ZBTB7A: variants seen among roughly 807,000 people sequenced by gnomAD.
ZBTB7A encodes the protein zinc finger and BTB domain containing 7A.
In ZBTB7A, 7 loss-of-function variants were observed where a neutral mutation model predicts 26.7. That is an observed-to-expected ratio of 0.26 (90% CI 0.15 to 0.49). The LOEUF (loss-of-function observed/expected upper bound fraction) is 0.49. Ranked by LOEUF, ZBTB7A falls within the 20% of genes least tolerant of loss-of-function variation. The probability of loss-of-function intolerance (pLI) is 0.98; values close to 1 mark genes in which losing one functional copy is unlikely to be tolerated. For missense variants in ZBTB7A, 617 were observed against 919.5 expected (o/e 0.67, Z 4.25); for synonymous variants, 452 against 441.0 (o/e 1.02, Z -0.31).
Position 4,043,571 on chromosome 19 carries a change from C to T in ZBTB7A, c.*4181G>A, listed in dbSNP as rs552248923. Among the ~76,000 whole-genome samples the T allele has an allele frequency of 1.3e-3, 194 of 151,792 alleles. No individual in the cohort carries two copies. The highest frequency in any genetic ancestry group is 4.5e-3 in the African/African-American group (185 of 41,390). ...GCCGCCCCGCCCCCCATTCACCAGG[C>T]CTGGCCCCTCCAAAGTCCAAGGCAC... On this transcript the variant is annotated 3_prime_UTR_variant, in exon 3 of 3. Transcript: ENST00000322357.
At chr19:4,056,894 G>A (rs2040585230) in intron 1 of ZBTB7A, among the ~76,000 whole-genome samples, 1 of 151,878 alleles carries the variant, frequency 6.6e-6, no homozygotes, top group Non-Finnish European at 1.5e-5. Flanking sequence ...AGGCGTGGTG[G>A]CGCGTGCCTG....
Position 4,047,806 on chromosome 19 carries a change from G to A in ZBTB7A, c.1701C>T (p.Ser567=), listed in dbSNP as rs1468764236. 1.6e-5 allele frequency: 26 copies of A among 1,586,718 alleles called. No individual in the cohort carries two copies. The highest frequency in any genetic ancestry group is 3.3e-5 in the South Asian group (3 of 89,776). ...NVAGAGGGGD[S]GGGPGAATDG... ...CGGTGGCGGCCCCGGGGCCACCTCC[G>A]CTGTCACCTCCTCCACCGGCGCCCG... is the stretch of plus-strand genomic sequence containing the variant. Residue 567 remains serine, a synonymous_variant, in exon 3 of 3, where the codon AGC becomes AGT. Transcript: ENST00000322357.
intron 1 of ZBTB7A, among the ~76,000 whole-genome samples, chr19:4,060,116 G>C (rs772790036): frequency 5.3e-5 from 8 of 151,026 alleles, no homozygotes; most frequent in African/African-American, 7.4e-5. Flanking sequence ...GGGCTGCTTG[G>C]TGCTGACTCG....
rs868621063 is a variant in ZBTB7A at position 4,048,414 on chromosome 19, G to A, written c.1263-170C>T. Reference sequence around the variant, plus strand: ...GGGACGGTCCCTCGAAAAACGAGACGAGTGGGGGCGATTTCGCATTCTGAA... The same window carrying A: ...GGGACGGTCCCTCGAAAAACGAGACAAGTGGGGGCGATTTCGCATTCTGAA... On this transcript the variant is annotated intron_variant, in intron 2 of 2. Transcript: ENST00000322357. This position sits in a 1 kb window ranked among gnomAD's most constrained non-coding sequence, Gnocchi z 6.7. Among the ~76,000 whole-genome samples, 1 of 152,232 alleles carries A rather than the reference G, an allele frequency of 6.6e-6. No homozygotes were observed. The highest frequency in any genetic ancestry group is 2.4e-5 in the African/African-American group (1 of 41,464).
intron 1 of ZBTB7A, among the ~76,000 whole-genome samples, chr19:4,058,009 CA>C (rs2040599571): frequency 6.6e-6 from 1 of 152,156 alleles, no homozygotes; most frequent in Non-Finnish European, 1.5e-5. Flanking sequence ...TGGTTCTTTT[CA>C]GGGGGGCTCT....
chr19:4,051,888 T>C (rs1599252159), intron 2 of ZBTB7A, among the ~76,000 whole-genome samples: 1 of 151,524 alleles, frequency 6.6e-6, no homozygotes, highest in Admixed American at 6.6e-5. Context: ...ATCCCTAGTT[T>C]CATCACCCCG....
chr19:4,062,031 C>T (rs1342374396), intron 1 of ZBTB7A: 2 of 152,310 alleles, frequency 1.3e-5, no homozygotes, highest in African/African-American at 4.8e-5. Flanking sequence ...TCTCCCTCCC[C>T]TGAGGGAGGC....
At chr19:4,053,544 ATGTG>A (rs2040528990) in intron 2 of ZBTB7A, among the ~76,000 whole-genome samples, 1 of 128,232 alleles carries the variant, frequency 7.8e-6, no homozygotes, top group Non-Finnish European at 1.6e-5. Flanking sequence ...TGTGTATGTG[ATGTG>A]TATGTGGTGT....
At chr19:4,049,166 G>GTATATATA (rs1186333792) in intron 2 of ZBTB7A, among the ~76,000 whole-genome samples, 46 of 13,464 alleles carry the variant, frequency 3.4e-3, no homozygotes, top group Admixed American at 7.8e-3. Flanking sequence ...GTGTGTGTGT[G>GTATATATA]TGTATATATA....
In ZBTB7A at chr19:4,052,631, AGG is replaced by A. The variant is rs1193443234; in HGVS notation, c.1262+1338_1262+1339del. 1.7e-4 allele frequency among the ~76,000 whole-genome samples: 25 copies of A among 149,076 alleles called. No homozygotes were observed. The South Asian group carries it at 5.5e-3, about 33-fold the overall frequency. ...GGGAACCCCAGGGCGGGCGGGGGGCAGGGGGTGGTGCTGAGTCACCCAGCCTG... is the reference window on the plus strand; with the variant it reads ...GGGAACCCCAGGGCGGGCGGGGGGCAGGGTGGTGCTGAGTCACCCAGCCTG... On this transcript the variant is annotated intron_variant, in intron 2 of 2. Transcript: ENST00000322357. This position sits in a 1 kb window ranked among gnomAD's most constrained non-coding sequence, Gnocchi z 4.9.
Position 4,045,665 on chromosome 19 carries a change from CAAG to C in ZBTB7A, c.*2084_*2086del, listed in dbSNP as rs1466818827. ...CACCCCCCCGCCGGTTGGGCATTGA[CAAG>C]AAGTCTCAGTGCAGCAGAGCGTCTA... On this transcript the variant is annotated 3_prime_UTR_variant, in exon 3 of 3. Coordinates refer to ENST00000322357, the MANE Select transcript of ZBTB7A (RefSeq NM_015898.4). The surrounding 1 kb of genome is among the most constrained non-coding windows in gnomAD (Gnocchi z 4.1). The C allele has an allele frequency of 1.1e-5, 4 of 379,050 alleles. No homozygotes were observed. Among genetic ancestry groups the C allele is most frequent in the African/African-American group, 4.2e-5 (2 of 48,098 alleles). 23.5% of individuals were successfully genotyped at this position (379,050 alleles called of 1,614,324 possible).
rs2144975544 is a variant in ZBTB7A at position 4,048,839 on chromosome 19, A to T, written c.1263-595T>A. ...AAAAAAATTTCACTTTTTAAGAGCG[A>T]AACTCCGTCTCAAAAAACAAATCTG... On this transcript the variant is annotated intron_variant, in intron 2 of 2. Coordinates refer to ENST00000322357, the MANE Select transcript of ZBTB7A (RefSeq NM_015898.4). This position sits in a 1 kb window ranked among gnomAD's most constrained non-coding sequence, Gnocchi z 6.7. 6.6e-6 allele frequency among the ~76,000 whole-genome samples: 1 copy of T among 151,622 alleles called. No individual in the cohort carries two copies. The highest frequency in any genetic ancestry group is 2.0e-4 in the East Asian group (1 of 5,106).
intron 1 of ZBTB7A, chr19:4,065,738 AC>A (rs1280578345): frequency 0.12 from 12,673 of 101,664 alleles, 1,837 homozygotes; most frequent in African/African-American, 0.34. Context: ...GGGGAGGGTG[AC>A]CCCCCCCCCA....
chr19:4,047,700 TC>T lies in ZBTB7A; in HGVS notation c.*51del. 1 of 1,534,936 alleles carries T rather than the reference TC, an allele frequency of 6.5e-7. No individual in the cohort carries two copies. Among genetic ancestry groups the T allele is most frequent in the Non-Finnish European group, 8.7e-7 (1 of 1,144,684 alleles). On this transcript the variant is annotated 3_prime_UTR_variant, in exon 3 of 3. Coordinates refer to ENST00000322357, the MANE Select transcript of ZBTB7A (RefSeq NM_015898.4). ...TGGGGGGGTGGTGGGTGATTTTTTT[TC>T]TCTCTCTCTGTCTCTCTCTTTCTCG...
At position 4,046,586 on chromosome 19, in the gene ZBTB7A, CTTCCT is replaced by C. The variant is rs975671474; in HGVS notation, c.*1161_*1165del. 4 of 144,086 alleles carry C rather than the reference CTTCCT, an allele frequency of 2.8e-5. No homozygotes were observed. Among genetic ancestry groups the C allele is most frequent in the Middle Eastern group, 7.1e-3 (2 of 280 alleles). The allele number at this position is 144,086 out of a possible 1,614,324, so 8.9% of individuals were successfully genotyped here. A position where few individuals can be genotyped will look rare whatever the true frequency, so the allele number is the denominator to read the frequency against. ...GTGGTTGGTTGCCTTTTTTTTTTTC[CTTCCT>C]TTCATTTTGTAAAACCTTTTTTTTT... On this transcript the variant is annotated 3_prime_UTR_variant, in exon 3 of 3. Transcript: ENST00000322357.
chr19:4,065,207 G>T (rs2040680779), intron 1 of ZBTB7A, among the ~76,000 whole-genome samples: 1 of 151,712 alleles, frequency 6.6e-6, no homozygotes, highest in East Asian at 2.0e-4. Context: ...GCGCTTTGGG[G>T]GCGCGGACGG....
intron 1 of ZBTB7A, among the ~76,000 whole-genome samples, chr19:4,063,619 G>A (rs1298466009): frequency 2.6e-5 from 4 of 152,200 alleles, no homozygotes; most frequent in Admixed American, 2.6e-4. Flanking sequence ...ATAAGCCTCG[G>A]TGACACTCCA....
At position 4,043,622 on chromosome 19, in the gene ZBTB7A, G is replaced by A. The variant is rs1279182605; in HGVS notation, c.*4130C>T. Among the ~76,000 whole-genome samples the A allele has an allele frequency of 1.3e-5, 2 of 151,046 alleles. No individual in the cohort carries two copies. The highest frequency in any genetic ancestry group is 1.3e-4 in the Admixed American group (2 of 15,180). ...CTCGATTCTGGGCCTGGGGTGGGGT[G>A]GGGGGCGGGACCTGGGCATCGGATC... On this transcript the variant is annotated 3_prime_UTR_variant, in exon 3 of 3. Coordinates refer to ENST00000322357, the MANE Select transcript of ZBTB7A (RefSeq NM_015898.4).
At chr19:4,053,204 G>C (rs949508107) in intron 2 of ZBTB7A, among the ~76,000 whole-genome samples, 1 of 152,240 alleles carries the variant, frequency 6.6e-6, no homozygotes, top group Non-Finnish European at 1.5e-5. Flanking sequence ...TGTCCGGCAC[G>C]CTTTGCATAT....
Sources: allele counts gnomAD v4.1 joint callset (sites outside exome capture counted in the v4.1 genomes callset), GRCh38; gene constraint gnomAD v4.1.1; non-coding constraint Gnocchi (gnomAD v3.1); transcripts MANE v1.5; gene names NCBI Gene and HGNC (gene_info 2026-07-23, HGNC 2026-07-21).